NPIPB15: variants seen among roughly 807,000 people sequenced by gnomAD.
NPIPB15 encodes the protein nuclear pore complex-interacting protein family member B15.
In NPIPB15, 5 loss-of-function variants were observed where a neutral mutation model predicts 35.9. The ratio of observed to expected loss-of-function variants is 0.14; its 90% CI spans 0.07 to 0.29. The LOEUF (loss-of-function observed/expected upper bound fraction) is 0.29, where lower values mean the gene tolerates loss of function less well. Among genes scored for constraint, NPIPB15 ranks in the 10% least tolerant of loss-of-function variants. NPIPB15 has a pLI of 1.00. For synonymous variants in NPIPB15, 43 were observed against 182.0 expected (o/e 0.24, Z 6.15); for missense variants, 100 against 506.1 (o/e 0.20, Z 7.70).
rs1326334914 is a variant in NPIPB15, at chr16:74,389,044, G to C, written c.546-781G>C. 2.9e-3 allele frequency among the ~76,000 whole-genome samples: 436 copies of C among 148,754 alleles called. 1 individual carries two copies. Among genetic ancestry groups the C allele is most frequent in the African/African-American group, 0.011 (427 of 40,286 alleles). On this transcript the variant is annotated intron_variant, in intron 5 of 7. Coordinates refer to ENST00000692376, the MANE Select transcript of NPIPB15 (RefSeq NM_001306094.2). ...CGTCTCCTGACCCCATTGCCAGCTAGACTGTGTGGAAACTCGGTTCATACC... is the reference window on the plus strand; with the variant it reads ...CGTCTCCTGACCCCATTGCCAGCTACACTGTGTGGAAACTCGGTTCATACC...
At chr16:74,378,663 C>T (rs1176206357) in intron 2 of NPIPB15, among the ~76,000 whole-genome samples, 2 of 150,704 alleles carry the variant, frequency 1.3e-5, no homozygotes, top group Non-Finnish European at 3.0e-5. Flanking sequence ...CCGCCTGCCT[C>T]GGCCTCCCAG....
At chr16:74,387,923 C>G (rs879675093) in intron 5 of NPIPB15, among the ~76,000 whole-genome samples, 2 of 151,710 alleles carry the variant, frequency 1.3e-5, no homozygotes, top group Admixed American at 1.3e-4. Context: ...AGCAAACTTA[C>G]CCTTTTTAGG....
At chr16:74,377,595 C>T (rs1357567227) in intron 1 of NPIPB15, among the ~76,000 whole-genome samples, 1 of 152,068 alleles carries the variant, frequency 6.6e-6, no homozygotes, top group Admixed American at 6.6e-5. Flanking sequence ...GCCTCACGCT[C>T]CCTTGCCCCA....
intron 1 of NPIPB15, among the ~76,000 whole-genome samples, 111 bp downstream of exon 1, chr16:74,377,457 G>C (rs1237264072): frequency 1.3e-5 from 2 of 151,950 alleles, no homozygotes; most frequent in African/African-American, 2.4e-5. Flanking sequence ...CCATTGTGAG[G>C]CACCACCGGG....
intron 5 of NPIPB15, among the ~76,000 whole-genome samples, chr16:74,389,278 G>A (rs1442680293): frequency 6.6e-6 from 1 of 150,618 alleles, no homozygotes; most frequent in East Asian, 2.0e-4. Flanking sequence ...ACTGAGAATG[G>A]GGAAGGAAAC....
intron 5 of NPIPB15, chr16:74,388,751 G>C (rs1597159984): frequency 1.0e-6 from 1 of 963,864 alleles, no homozygotes; most frequent in Non-Finnish European, 1.2e-6. Flanking sequence ...CAGAAAAGGA[G>C]AGGCAGGTAT....
chr16:74,391,228 G>A, intron 7 of NPIPB15, 163 bp from the exon 8 acceptor site: 1 of 985,460 alleles, frequency 1.0e-6, no homozygotes, highest in Non-Finnish European at 1.2e-6. Context: ...AGTACTCAGT[G>A]GAAGGGTGAT....
intron 2 of NPIPB15, among the ~76,000 whole-genome samples, chr16:74,379,403 T>A (rs1225297037): frequency 1.3e-5 from 2 of 152,152 alleles, no homozygotes; most frequent in Admixed American, 6.6e-5. Context: ...AAAATTGAGA[T>A]GTTTTCAAGA....
At chr16:74,388,508 GC>G (rs2012392441) in intron 5 of NPIPB15, 1 of 932,098 alleles carries the variant, frequency 1.1e-6, no homozygotes, top group Non-Finnish European at 1.3e-6. Flanking sequence ...CAGGTGACTT[GC>G]CAGCAGGCCA....
At chr16:74,379,254 C>T (rs1275822021) in intron 2 of NPIPB15, among the ~76,000 whole-genome samples, 2,093 of 151,934 alleles carry the variant, frequency 0.014, 47 homozygotes, top group African/African-American at 0.049. Flanking sequence ...TTATTCTGCT[C>T]AACACCATGT....
intron 2 of NPIPB15, among the ~76,000 whole-genome samples, chr16:74,379,135 C>T (rs1252944070): frequency 2.0e-5 from 3 of 152,268 alleles, no homozygotes; most frequent in African/African-American, 7.2e-5. Flanking sequence ...AGAAAGTGAA[C>T]TCCCACTCTT....
At chr16:74,389,096 T>C (rs916597801) in intron 5 of NPIPB15, among the ~76,000 whole-genome samples, 1 of 146,682 alleles carries the variant, frequency 6.8e-6, no homozygotes, top group Non-Finnish European at 1.5e-5. Flanking sequence ...GGGTGAGTTG[T>C]TGTCATCCTT....
Position 74,377,662 on chromosome 16 carries a change from C to T in NPIPB15, c.-22-290C>T, listed in dbSNP as rs534593887. Among the ~76,000 whole-genome samples, 27 of 151,994 alleles carry T rather than the reference C, an allele frequency of 1.8e-4. No homozygotes were observed. The East Asian group carries it at 1.9e-3, about 11-fold the overall frequency. ...GACCTGTAGCTAAACCTTCCACCAG[C>T]GCTTGAGAACTTAATTTGAACCGGA... On this transcript the variant is annotated intron_variant, in intron 1 of 7. Coordinates refer to ENST00000692376, the MANE Select transcript of NPIPB15 (RefSeq NM_001306094.2).
chr16:74,381,901 A>G (rs2012016711), intron 3 of NPIPB15: 1 of 728,178 alleles, frequency 1.4e-6, no homozygotes, highest in Non-Finnish European at 2.1e-6. Flanking sequence ...TGTTTAATAG[A>G]ATGTCAACAG....
chr16:74,389,989 T>C lies in NPIPB15; in HGVS notation c.607-6T>C, dbSNP rs2142696525. The C allele has an allele frequency of 6.3e-7, 1 of 1,597,032 alleles. No homozygotes were observed. Among genetic ancestry groups the C allele is most frequent in the East Asian group, 2.2e-5 (1 of 44,596 alleles). On this transcript the variant is annotated splice_polypyrimidine_tract_variant and splice_region_variant and intron_variant, in intron 6 of 7. Transcript: ENST00000692376. ...CATTCAATTTCTCATGTGTTGGCTT[T>C]TTCAGATCCCCCCTTCTGCAAGAAA...
chr16:74,391,486 G>A lies in NPIPB15; in HGVS notation c.738G>A (p.Gln246=), dbSNP rs1327593611. The A allele has an allele frequency of 1.2e-6, 2 of 1,613,820 alleles. No homozygotes were observed. Among genetic ancestry groups the A allele is most frequent in the Non-Finnish European group, 1.7e-6 (2 of 1,179,884 alleles). The change falls in exon 8 of 8, where the codon CAG becomes CAA. Residue 246 remains glutamine (Q), a synonymous_variant. Transcript: ENST00000692376. ...CTTTAAAAAACAGGATGGGCCGCCA[G>A]CCACCTCCTCCAACTCAACAACATT... ...AEALKNRMGR[Q]PPPPTQQHSI...
At chr16:74,380,014 G>A (rs1450276374) in intron 2 of NPIPB15, among the ~76,000 whole-genome samples, 8 of 148,656 alleles carry the variant, frequency 5.4e-5, no homozygotes, top group African/African-American at 1.5e-4. Context: ...TATAATCCAA[G>A]AGAGAAGTAT....
Position 74,381,511 on chromosome 16 carries a change from T to C in NPIPB15, c.67-5T>C, listed in dbSNP as rs752904712. ...TTTTCATTCTTTCAACTATTATTAT[T>C]CCAGGTCATCAATAGTCTGGCTGTC... On this transcript the variant is annotated splice_region_variant and splice_polypyrimidine_tract_variant and intron_variant, in intron 2 of 7. Transcript: ENST00000692376. 1.9e-6 allele frequency: 3 copies of C among 1,591,828 alleles called. No homozygotes were observed. Among genetic ancestry groups the C allele is most frequent in the African/African-American group, 2.7e-5 (2 of 74,628 alleles).
At chr16:74,377,525 C>G (rs1255974119) in intron 1 of NPIPB15, among the ~76,000 whole-genome samples, 179 bp downstream of exon 1, 1 of 152,148 alleles carries the variant, frequency 6.6e-6, no homozygotes, top group Non-Finnish European at 1.5e-5. Context: ...AGGGAGGGCC[C>G]AGACCGAAGA....
Sources: allele counts gnomAD v4.1 joint callset (sites outside exome capture counted in the v4.1 genomes callset), GRCh38; gene constraint gnomAD v4.1.1; transcripts MANE v1.5; gene names NCBI Gene and HGNC (gene_info 2026-07-23, HGNC 2026-07-21).